Variants in AGBL4 observed in about 807,000 individuals in gnomAD.
AGBL4 encodes AGBL carboxypeptidase 4.
A neutral mutation model predicts 66.4 loss-of-function variants in AGBL4; 58 were observed. The ratio of observed to expected loss-of-function variants is 0.87; its 90% CI spans 0.71 to 1.09. The LOEUF is 1.09. Ranked by LOEUF, AGBL4 falls within the 50% of genes least tolerant of loss-of-function variation. The probability of loss-of-function intolerance (pLI) is 0.00; values close to 1 mark genes in which losing one functional copy is unlikely to be tolerated. For synonymous variants in AGBL4, 234 were observed against 222.9 expected (o/e 1.05, Z -0.44); for missense variants, 579 against 631.0 (o/e 0.92, Z 0.88).
At chr1:48,921,122 G>C (rs1206336308) in intron 5 of AGBL4, among the ~76,000 whole-genome samples, 1 of 152,176 alleles carries the variant, frequency 6.6e-6, no homozygotes, top group Non-Finnish European at 1.5e-5. Context: ...TCAATTTACA[G>C]CGAGATGACA....
intron 3 of AGBL4, among the ~76,000 whole-genome samples, chr1:49,595,223 G>A (rs1286447593): frequency 6.6e-6 from 1 of 152,044 alleles, no homozygotes; most frequent in Non-Finnish European, 1.5e-5. Context: ...TGAGTAGTTG[G>A]GACTACAGGC....
At chr1:49,564,608 T>C (rs1644143155) in intron 3 of AGBL4, among the ~76,000 whole-genome samples, 1 of 152,204 alleles carries the variant, frequency 6.6e-6, no homozygotes, top group Non-Finnish European at 1.5e-5. Flanking sequence ...TCCATGTAGT[T>C]GAGTGGTTTT....
At chr1:49,592,484 C>T (rs535013146) in intron 3 of AGBL4, among the ~76,000 whole-genome samples, 8 of 152,206 alleles carry the variant, frequency 5.3e-5, no homozygotes, top group Middle Eastern at 3.4e-3. Flanking sequence ...GCAGGAGAAT[C>T]GCTTGAACCC....
At chr1:49,814,642 C>T (rs1645187336) in intron 2 of AGBL4, among the ~76,000 whole-genome samples, 1 of 152,146 alleles carries the variant, frequency 6.6e-6, no homozygotes, top group Admixed American at 6.6e-5. Flanking sequence ...AAGGCAAACA[C>T]TATGTCAAGT....
intron 3 of AGBL4, among the ~76,000 whole-genome samples, chr1:49,503,695 G>A (rs1648408144): frequency 6.6e-6 from 1 of 152,160 alleles, no homozygotes; most frequent in Non-Finnish European, 1.5e-5. Flanking sequence ...TTTACTTACT[G>A]CCCTATTGTA....
At chr1:48,670,877 A>T (rs1175667302) in intron 6 of AGBL4, among the ~76,000 whole-genome samples, 3 of 152,248 alleles carry the variant, frequency 2.0e-5, no homozygotes, top group African/African-American at 7.2e-5. Context: ...CAGGAGCTTT[A>T]CTGAGATTGC....
intron 5 of AGBL4, among the ~76,000 whole-genome samples, chr1:49,013,711 T>A (rs1384146431): frequency 6.6e-6 from 1 of 152,148 alleles, no homozygotes; most frequent in African/African-American, 2.4e-5. Flanking sequence ...CTTCCCCTAA[T>A]TGCTTACATC....
At chr1:49,606,246 C>T (rs1406083613) in intron 3 of AGBL4, among the ~76,000 whole-genome samples, 2 of 152,040 alleles carry the variant, frequency 1.3e-5, no homozygotes, top group Non-Finnish European at 2.9e-5. Flanking sequence ...TCTCCACAGG[C>T]GAGAGCTGCT....
At chr1:49,876,985 T>C (rs1386250434) in intron 1 of AGBL4, among the ~76,000 whole-genome samples, 1 of 151,812 alleles carries the variant, frequency 6.6e-6, no homozygotes. Context: ...ATAGGAATGC[T>C]TGTGATTTTT....
chr1:49,100,701 C>A (rs1201145971), intron 4 of AGBL4, among the ~76,000 whole-genome samples: 1 of 152,158 alleles, frequency 6.6e-6, no homozygotes, highest in Non-Finnish European at 1.5e-5. Flanking sequence ...TTCACAGGGT[C>A]AGGCAGGGCT....
chr1:49,010,567 G>A (rs373964888), intron 5 of AGBL4, among the ~76,000 whole-genome samples: 70,718 of 129,932 alleles, frequency 0.54, 19,641 homozygotes, highest in Middle Eastern at 0.61. Flanking sequence ...AGCTCGCATC[G>A]CCAAGTCAAT....
At position 49,845,867 on chromosome 1, in the gene AGBL4, C is replaced by T. The variant is rs112857975; in HGVS notation, c.157+5529G>A. ...CAGTGTGGGAAGGCCTTCCTTCTGG[C>T]AGAGCACAAACCTCACACACCAGCA... On this transcript the variant is annotated intron_variant, in intron 2 of 13. Coordinates refer to ENST00000371839, the MANE Select transcript of AGBL4 (RefSeq NM_032785.4). 2,376 of 1,419,130 alleles carry T rather than the reference C, an allele frequency of 1.7e-3. 8 individuals carry two copies. The highest frequency in any genetic ancestry group is 2.1e-3 in the Non-Finnish European group (2,125 of 1,008,618). 87.9% of individuals were successfully genotyped at this position (1,419,130 alleles called of 1,614,324 possible).
intron 3 of AGBL4, among the ~76,000 whole-genome samples, chr1:49,644,815 A>C (rs1382971318): frequency 1.3e-5 from 2 of 151,506 alleles, no homozygotes; most frequent in Non-Finnish European, 3.0e-5. Context: ...GTAGGGTTCA[A>C]ATCCTTTTAA....
At chr1:49,349,324 T>C (rs1267889289) in intron 3 of AGBL4, among the ~76,000 whole-genome samples, 1 of 152,220 alleles carries the variant, frequency 6.6e-6, no homozygotes, top group African/African-American at 2.4e-5. Flanking sequence ...ATGAGTTCCA[T>C]TGCTGTATTC....
At chr1:49,660,584 A>G (rs1337136243) in intron 3 of AGBL4, among the ~76,000 whole-genome samples, 1 of 152,228 alleles carries the variant, frequency 6.6e-6, no homozygotes, top group African/African-American at 2.4e-5. Context: ...CATTTGACCC[A>G]GCAATCCCAT....
At chr1:48,967,763 T>C (rs1309994325) in intron 5 of AGBL4, among the ~76,000 whole-genome samples, 1 of 152,128 alleles carries the variant, frequency 6.6e-6, no homozygotes, top group Non-Finnish European at 1.5e-5. Flanking sequence ...GGCATAAGCA[T>C]AGAACAGAAA....
intron 11 of AGBL4, among the ~76,000 whole-genome samples, chr1:48,563,946 A>G (rs888582789): frequency 2.0e-5 from 3 of 152,300 alleles, no homozygotes; most frequent in African/African-American, 7.2e-5. Context: ...TGTCTGTCGA[A>G]AGTCAAATAT....
chr1:48,577,981 A>G (rs1193530955), intron 11 of AGBL4, among the ~76,000 whole-genome samples: 1 of 152,170 alleles, frequency 6.6e-6, no homozygotes, highest in Non-Finnish European at 1.5e-5. Flanking sequence ...TGGATTTTAC[A>G]TTCGCACTCT....
rs140013382 is a variant in AGBL4, at chr1:48,871,855, A to T, written c.595-4625T>A. 3.2e-3 allele frequency among the ~76,000 whole-genome samples: 488 copies of T among 152,130 alleles called. 3 individuals carry two copies. The highest frequency in any genetic ancestry group is 0.011 in the African/African-American group (474 of 41,514). On this transcript the variant is annotated intron_variant, in intron 5 of 13. Coordinates refer to ENST00000371839, the MANE Select transcript of AGBL4 (RefSeq NM_032785.4). ...GAGTGAATGCTGTTATATTAGTACC[A>T]TGTCACCCCACCTCTAGTCACAGTG...
Sources: allele counts gnomAD v4.1 joint callset (sites outside exome capture counted in the v4.1 genomes callset), GRCh38; gene constraint gnomAD v4.1.1; transcripts MANE v1.5; gene names NCBI Gene and HGNC (gene_info 2026-07-23, HGNC 2026-07-21).